EPHA3: variants seen among roughly 807,000 people sequenced by gnomAD.
EPHA3 encodes EPH receptor A3, also known as ephrin type-A receptor 3.
Under a neutral mutation model 107.1 loss-of-function variants are expected in EPHA3, and 42 were observed. The ratio of observed to expected loss-of-function variants is 0.39; its 90% confidence interval spans 0.31 to 0.51. The LOEUF (loss-of-function observed/expected upper bound fraction) is 0.51, where lower values mean the gene tolerates loss of function less well. Ranked by LOEUF, EPHA3 falls within the 20% of genes least tolerant of loss-of-function variation. The pLI is 0.78. For missense variants in EPHA3, 1,183 were observed against 1,211.2 expected, an observed-to-expected ratio of 0.98 and a Z score of 0.35; for synonymous variants, 461 against 424.8, an observed-to-expected ratio of 1.09 and a Z score of -1.05.
chr3:89,345,185 C>T (rs1211739824), intron 5 of EPHA3, among the ~76,000 whole-genome samples: 9 of 151,074 alleles, frequency 6.0e-5, no homozygotes, highest in Non-Finnish European at 4.4e-5. Flanking sequence ...ATAATGATCT[C>T]AGACTAGAAT....
At chr3:89,301,471 T>C (rs1216911043) in intron 3 of EPHA3, among the ~76,000 whole-genome samples, 1 of 152,088 alleles carries the variant, frequency 6.6e-6, no homozygotes, top group Non-Finnish European at 1.5e-5. Flanking sequence ...GGTTAATAAA[T>C]GTCTTTCAGT....
intron 2 of EPHA3, among the ~76,000 whole-genome samples, chr3:89,196,306 G>A (rs530844647): frequency 1.3e-5 from 2 of 152,098 alleles, no homozygotes; most frequent in Admixed American, 1.3e-4. Flanking sequence ...TCCTCTCTCT[G>A]GCTTCCGTCA....
intron 2 of EPHA3, among the ~76,000 whole-genome samples, chr3:89,178,897 G>A (rs767755481): frequency 1.1e-4 from 17 of 151,588 alleles, no homozygotes; most frequent in Non-Finnish European, 2.4e-4. Context: ...TAATTTTATT[G>A]CTTTTATCCA....
chr3:89,471,584 G>A (rs1710403196), intron 15 of EPHA3, among the ~76,000 whole-genome samples: 1 of 152,042 alleles, frequency 6.6e-6, no homozygotes, highest in African/African-American at 2.4e-5. Flanking sequence ...GGTTGGTCTC[G>A]AACTCCTGAC....
intron 3 of EPHA3, among the ~76,000 whole-genome samples, chr3:89,292,648 A>AT (rs1706242455): frequency 6.6e-6 from 1 of 152,218 alleles, no homozygotes; most frequent in South Asian, 2.1e-4. Flanking sequence ...TATAGAAAGC[A>AT]TTAGCATATC....
chr3:89,144,470 T>TCC (rs1264057474), intron 2 of EPHA3, among the ~76,000 whole-genome samples: 1 of 151,750 alleles, frequency 6.6e-6, no homozygotes, highest in African/African-American at 2.4e-5. Context: ...ATTTTGTACT[T>TCC]ATTGAGGTGT....
chr3:89,252,760 CTCTTA>C (rs796735280), intron 3 of EPHA3, among the ~76,000 whole-genome samples: 24 of 151,782 alleles, frequency 1.6e-4, no homozygotes, highest in African/African-American at 5.8e-4. Flanking sequence ...GTTTTTCATG[CTCTTA>C]TCTTAAGAGA....
chr3:89,131,809 C>A (rs1035447279), intron 2 of EPHA3, among the ~76,000 whole-genome samples: 1 of 152,172 alleles, frequency 6.6e-6, no homozygotes, highest in Non-Finnish European at 1.5e-5. Flanking sequence ...GGTGAACATG[C>A]ACTTAAAGGA....
rs561530648 is a variant in EPHA3, at chr3:89,167,567, C to G, written c.153+40294C>G. ...CTAACTCCATAGTTTGAAGTTTGTGCTTATTAGAAATCCTGACATCTGTGA... is the reference window on the plus strand; with the variant it reads ...CTAACTCCATAGTTTGAAGTTTGTGGTTATTAGAAATCCTGACATCTGTGA... On this transcript the variant is annotated intron_variant, in intron 2 of 16. Transcript: ENST00000336596. Among the ~76,000 whole-genome samples, 37 of 152,110 alleles carry G rather than the reference C, an allele frequency of 2.4e-4. No individual in the cohort carries two copies. The East Asian group carries it at 6.9e-3, about 29-fold the overall frequency.
Position 89,350,130 on chromosome 3 carries a change from A to G in EPHA3, c.1306+8040A>G, listed in dbSNP as rs376781432. Among the ~76,000 whole-genome samples, 34 of 150,772 alleles carry G rather than the reference A, an allele frequency of 2.3e-4. 1 individual carries two copies. Among genetic ancestry groups the G allele is most frequent in the African/African-American group, 5.8e-4 (24 of 41,302 alleles). ...TCTTCTCGAGGAGTATCTTTGTGGCATTCTCTGTATTTCCTGAATGTGAAC... is the reference window on the plus strand; with the variant it reads ...TCTTCTCGAGGAGTATCTTTGTGGCGTTCTCTGTATTTCCTGAATGTGAAC... On this transcript the variant is annotated intron_variant, in intron 5 of 16. Transcript: ENST00000336596.
chr3:89,245,840 T>C lies in EPHA3; in HGVS notation c.814+35320T>C, dbSNP rs151171451. Among the ~76,000 whole-genome samples, 22 of 152,316 alleles carry C rather than the reference T, an allele frequency of 1.4e-4. No individual in the cohort carries two copies. The East Asian group carries it at 4.2e-3, about 29-fold the overall frequency. ...AAGCCTTTAGGGAAGTGGGTCAAAT[T>C]GTACAAGGACAGCTTTTCTAATTCC... On this transcript the variant is annotated intron_variant, in intron 3 of 16. Coordinates refer to ENST00000336596, the MANE Select transcript of EPHA3 (RefSeq NM_005233.6).
intron 3 of EPHA3, among the ~76,000 whole-genome samples, chr3:89,223,742 A>T (rs1378477382): frequency 5.3e-5 from 8 of 152,182 alleles, no homozygotes. Flanking sequence ...AATACCTTAT[A>T]TGTGTGAATA....
intron 2 of EPHA3, among the ~76,000 whole-genome samples, chr3:89,159,155 A>G (rs1331878342): frequency 6.6e-6 from 1 of 152,108 alleles, no homozygotes; most frequent in Non-Finnish European, 1.5e-5. Flanking sequence ...TATTTATCAA[A>G]TATCTACTAG....
chr3:89,272,120 C>A (rs912353550), intron 3 of EPHA3, among the ~76,000 whole-genome samples: 17 of 151,752 alleles, frequency 1.1e-4, no homozygotes, highest in African/African-American at 4.1e-4. Context: ...TTTAAGTTGT[C>A]AGTAAGGCTT....
chr3:89,402,875 A>G (rs1708992893), intron 7 of EPHA3, among the ~76,000 whole-genome samples: 2 of 151,984 alleles, frequency 1.3e-5, no homozygotes, highest in African/African-American at 2.4e-5. Context: ...ACGGGGTTTC[A>G]CCATGTTGGC....
At chr3:89,220,789 T>C (rs951032351) in intron 3 of EPHA3, among the ~76,000 whole-genome samples, 5 of 152,208 alleles carry the variant, frequency 3.3e-5, no homozygotes, top group African/African-American at 1.2e-4. Flanking sequence ...GTTAATAGTC[T>C]TTGTATAAAA....
intron 3 of EPHA3, among the ~76,000 whole-genome samples, chr3:89,230,170 C>T (rs1373430326): frequency 6.6e-6 from 1 of 152,020 alleles, no homozygotes; most frequent in Non-Finnish European, 1.5e-5. Context: ...GTCATTCCAG[C>T]TCTTTGTAGC....
chr3:89,250,254 C>G (rs1046514620), intron 3 of EPHA3, among the ~76,000 whole-genome samples: 3 of 152,166 alleles, frequency 2.0e-5, no homozygotes, highest in African/African-American at 7.2e-5. Flanking sequence ...AGCAAAGCTT[C>G]TTTATTTCTT....
chr3:89,230,150 A>T (rs1704595892), intron 3 of EPHA3, among the ~76,000 whole-genome samples: 1 of 152,042 alleles, frequency 6.6e-6, no homozygotes, highest in African/African-American at 2.4e-5. Context: ...AATTAAGTAA[A>T]CTCACCAAGG....
Sources: allele counts gnomAD v4.1 joint callset (sites outside exome capture counted in the v4.1 genomes callset), GRCh38; gene constraint gnomAD v4.1.1; transcripts MANE v1.5; gene names NCBI Gene and HGNC (gene_info 2026-07-23, HGNC 2026-07-21).